Variants in ADAMTS3 observed in about 807,000 individuals in gnomAD.
The protein encoded by ADAMTS3 is ADAM metallopeptidase with thrombospondin type 1 motif 3.
In ADAMTS3, 73 loss-of-function variants were observed where a neutral mutation model predicts 129.0. The ratio of observed to expected loss-of-function variants is 0.57; its 90% CI spans 0.47 to 0.69. The LOEUF (loss-of-function observed/expected upper bound fraction) is 0.69, where lower values mean the gene tolerates loss of function less well. Among genes scored for constraint, ADAMTS3 ranks in the 30% least tolerant of loss-of-function variants. ADAMTS3 has a pLI of 0.00. For missense variants in ADAMTS3, 1,457 were observed against 1,514.5 expected (o/e 0.96, Z 0.63); for synonymous variants, 477 against 510.8 (o/e 0.93, Z 0.89).
chr4:72,347,518 G>C (rs2109840314), intron 4 of ADAMTS3, among the ~76,000 whole-genome samples: 1 of 151,534 alleles, frequency 6.6e-6, no homozygotes, highest in South Asian at 2.1e-4. Flanking sequence ...TATTCTCTCG[G>C]TTCTATTTTA....
At chr4:72,461,725 T>C (rs763759365) in intron 3 of ADAMTS3, among the ~76,000 whole-genome samples, 1 of 151,942 alleles carries the variant, frequency 6.6e-6, no homozygotes, top group Non-Finnish European at 1.5e-5. Context: ...AATGTTTTCA[T>C]ATTCTCTGAT....
chr4:72,308,647 G>T (rs908435471), intron 15 of ADAMTS3, among the ~76,000 whole-genome samples: 3 of 151,792 alleles, frequency 2.0e-5, no homozygotes, highest in Non-Finnish European at 4.4e-5. Flanking sequence ...ACAAACTCAA[G>T]AAATTATTCA....
chr4:72,393,613 G>A (rs763150527), intron 4 of ADAMTS3, among the ~76,000 whole-genome samples: 2 of 152,116 alleles, frequency 1.3e-5, no homozygotes, highest in East Asian at 1.9e-4. Flanking sequence ...ACCTTCAAAC[G>A]TAATATTTTG....
chr4:72,282,979 C>G lies in ADAMTS3; in HGVS notation c.*157G>C. Reference sequence around the variant, plus strand: ...ATGCAGAACAAAAGGAGGATGAAAGCAACTAGAAAGTGAGCCAGCACTTTC... The same window carrying G: ...ATGCAGAACAAAAGGAGGATGAAAGGAACTAGAAAGTGAGCCAGCACTTTC... On this transcript the variant is annotated 3_prime_UTR_variant, in exon 22 of 22. Transcript: ENST00000286657. 3 of 601,468 alleles carry G rather than the reference C, an allele frequency of 5.0e-6. No individual in the cohort carries two copies. In the South Asian group the frequency reaches 7.4e-5, roughly 15 times the overall value. 37.3% of individuals were successfully genotyped at this position (601,468 alleles called of 1,614,324 possible).
intron 3 of ADAMTS3, among the ~76,000 whole-genome samples, chr4:72,490,917 G>A (rs902265922): frequency 9.2e-5 from 14 of 151,650 alleles, no homozygotes; most frequent in African/African-American, 3.4e-4. Context: ...ATATAACTTT[G>A]GTTAGTAACA....
chr4:72,499,331 T>TA (rs1719949674), intron 3 of ADAMTS3, among the ~76,000 whole-genome samples: 3 of 152,152 alleles, frequency 2.0e-5, no homozygotes, highest in Admixed American at 2.0e-4. Flanking sequence ...TTTTTAATTA[T>TA]AGTAAATCAA....
At chr4:72,498,766 C>G (rs1050112863) in intron 3 of ADAMTS3, among the ~76,000 whole-genome samples, 1 of 151,940 alleles carries the variant, frequency 6.6e-6, no homozygotes, top group East Asian at 1.9e-4. Flanking sequence ...TCTTTAACTT[C>G]CCCATAAAGC....
intron 4 of ADAMTS3, among the ~76,000 whole-genome samples, chr4:72,402,846 G>A (rs925838383): frequency 1.1e-4 from 16 of 152,226 alleles, no homozygotes; most frequent in South Asian, 1.0e-3. Flanking sequence ...TGTCCATTAA[G>A]GTCTGGGAGG....
intron 3 of ADAMTS3, among the ~76,000 whole-genome samples, chr4:72,485,575 A>G (rs1719568000): frequency 6.6e-6 from 1 of 152,132 alleles, no homozygotes; most frequent in Admixed American, 6.6e-5. Flanking sequence ...ATATATTTCT[A>G]CCAGTACTCT....
At chr4:72,525,240 T>C (rs1305911592) in intron 3 of ADAMTS3, among the ~76,000 whole-genome samples, 1 of 152,178 alleles carries the variant, frequency 6.6e-6, no homozygotes, top group African/African-American at 2.4e-5. Flanking sequence ...ACCCCACTTC[T>C]ATTTAGTCAG....
At chr4:72,479,373 C>T (rs1407696861) in intron 3 of ADAMTS3, among the ~76,000 whole-genome samples, 1 of 152,048 alleles carries the variant, frequency 6.6e-6, no homozygotes, top group Non-Finnish European at 1.5e-5. Context: ...AGAAAAGAGC[C>T]CTCAGAAATA....
At chr4:72,525,003 G>A (rs537224147) in intron 3 of ADAMTS3, among the ~76,000 whole-genome samples, 1 of 152,138 alleles carries the variant, frequency 6.6e-6, no homozygotes, top group Non-Finnish European at 1.5e-5. Flanking sequence ...AATTAGAAAT[G>A]TGTGACACTG....
At chr4:72,430,331 C>T (rs996196419) in intron 3 of ADAMTS3, among the ~76,000 whole-genome samples, 1 of 151,996 alleles carries the variant, frequency 6.6e-6, no homozygotes, top group African/African-American at 2.4e-5. Context: ...ATGGAATACT[C>T]TCCTCAGATG....
intron 3 of ADAMTS3, among the ~76,000 whole-genome samples, chr4:72,438,552 T>C (rs763095327): frequency 1.3e-5 from 2 of 151,760 alleles, no homozygotes; most frequent in Admixed American, 6.6e-5. Context: ...TAGAAGACAG[T>C]TGGGTTCTCC....
At chr4:72,449,428 T>C (rs1043614734) in intron 3 of ADAMTS3, among the ~76,000 whole-genome samples, 8 of 151,532 alleles carry the variant, frequency 5.3e-5, no homozygotes, top group Non-Finnish European at 1.0e-4. Flanking sequence ...GCATTATCAT[T>C]GTCTTCTCTC....
At chr4:72,559,717 G>T (rs1210026341) in intron 2 of ADAMTS3, among the ~76,000 whole-genome samples, 1 of 151,844 alleles carries the variant, frequency 6.6e-6, no homozygotes, top group Non-Finnish European at 1.5e-5. Flanking sequence ...CAGCGTAGCA[G>T]CATTTTATGA....
intron 4 of ADAMTS3, among the ~76,000 whole-genome samples, chr4:72,377,882 A>T (rs973439800): frequency 2.0e-5 from 3 of 152,132 alleles, no homozygotes; most frequent in Non-Finnish European, 2.9e-5. Flanking sequence ...AGAACTAAAA[A>T]CTGGAAAATC....
intron 3 of ADAMTS3, among the ~76,000 whole-genome samples, chr4:72,539,186 G>T (rs1721254917): frequency 6.6e-6 from 1 of 151,978 alleles, no homozygotes; most frequent in Non-Finnish European, 1.5e-5. Flanking sequence ...AAAGATTTTT[G>T]TGTATCAAAA....
At chr4:72,353,832 A>G (rs1412400760) in intron 4 of ADAMTS3, among the ~76,000 whole-genome samples, 2 of 151,992 alleles carry the variant, frequency 1.3e-5, no homozygotes, top group Admixed American at 1.3e-4. Context: ...ATGTAATAAC[A>G]AAGTTGGTCT....
Sources: gnomAD v4.1 joint callset for allele counts (sites outside exome capture counted in the v4.1 genomes callset) on GRCh38, gnomAD v4.1.1 for gene constraint, MANE v1.5 for transcripts, NCBI Gene and HGNC (gene_info 2026-07-23, HGNC 2026-07-21) for gene names.